Variants in ANKRD12 observed in about 807,000 individuals in gnomAD.
ANKRD12 encodes ankyrin repeat domain 12.
Under a neutral mutation model 183.4 loss-of-function variants are expected in ANKRD12, and 85 were observed. The observed-to-expected ratio is 0.46, with a 90% CI of 0.39 to 0.56. ANKRD12 has a LOEUF of 0.56. ANKRD12 is among the 20% of genes least tolerant of loss of function. The pLI is 0.00. For missense variants in ANKRD12, 2,405 were observed against 2,357.1 expected (o/e 1.02, Z -0.42); for synonymous variants, 914 against 800.2 (o/e 1.14, Z -2.40).
At chr18:9,204,577 A>G in intron 4 of ANKRD12, 33 bp downstream of exon 4, 1 of 1,459,210 alleles carries the variant, frequency 6.9e-7, no homozygotes, top group Non-Finnish European at 9.4e-7. Context: ...CTGTTTAGCC[A>G]GTGGTTTCTG....
At chr18:9,273,694 A>G (rs1312849095) in intron 10 of ANKRD12, among the ~76,000 whole-genome samples, 1 of 152,156 alleles carries the variant, frequency 6.6e-6, no homozygotes, top group Non-Finnish European at 1.5e-5. Context: ...TTATAGCAGC[A>G]TTTTTCATAT....
At chr18:9,148,999 A>G (rs184753255) in intron 1 of ANKRD12, among the ~76,000 whole-genome samples, 3 of 152,118 alleles carry the variant, frequency 2.0e-5, no homozygotes, top group East Asian at 3.9e-4. Flanking sequence ...ACCTGTGCAT[A>G]TGCTTATCCT....
rs139329796 is a variant in ANKRD12 at position 9,158,262 on chromosome 18, C to A, written c.-52+21297C>A. On this transcript the variant is annotated intron_variant, in intron 1 of 12. Transcript: ENST00000262126. ...TGATACATATGTCCCAAATAAAAAACCAATATTAATAAATGATTGTTAACT... is the reference window on the plus strand; with the variant it reads ...TGATACATATGTCCCAAATAAAAAAACAATATTAATAAATGATTGTTAACT... 1.4e-3 allele frequency among the ~76,000 whole-genome samples: 208 copies of A among 152,238 alleles called. 1 individual carries two copies. Among genetic ancestry groups the A allele is most frequent in the African/African-American group, 4.8e-3 (198 of 41,552 alleles).
chr18:9,180,455 G>T (rs933857617), intron 1 of ANKRD12, among the ~76,000 whole-genome samples: 1 of 151,632 alleles, frequency 6.6e-6, no homozygotes, highest in Non-Finnish European at 1.5e-5. Context: ...ATTAATATTT[G>T]GGCTTAGGTC....
chr18:9,244,512 T>C lies in ANKRD12; in HGVS notation c.944-9699T>C, dbSNP rs577845895. ...AACTCAAGATTTTGATTAAAAAAAATCCAGAATGACAGCAACAAGCAATTG... is the reference window on the plus strand; with the variant it reads ...AACTCAAGATTTTGATTAAAAAAAACCCAGAATGACAGCAACAAGCAATTG... On this transcript the variant is annotated intron_variant, in intron 8 of 12. Transcript: ENST00000262126. Among the ~76,000 whole-genome samples, 119 of 152,172 alleles carry C rather than the reference T, an allele frequency of 7.8e-4. 2 individuals carry two copies. The highest frequency in any genetic ancestry group is 2.6e-3 in the African/African-American group (110 of 41,520).
Position 9,255,614 on chromosome 18 carries a change from T to C in ANKRD12, c.2347T>C (p.Ser783Pro). 6.4e-7 allele frequency: 1 copy of C among 1,569,780 alleles called. No homozygotes were observed. Among genetic ancestry groups the C allele is most frequent in the Non-Finnish European group, 8.6e-7 (1 of 1,168,036 alleles). ...AGAAAACATACCCACAGATAAAGAC[T>C]CAGAATTTACTTCTTTGGGTATGAG... ...ERENIPTDKD[S>P]EFTSLGMSAI... The change falls in exon 9 of 13, where the codon TCA becomes CCA. Residue 783 changes from serine to proline, a missense_variant. By Grantham distance (74) the Ser-to-Pro change is moderately conservative. Coordinates refer to ENST00000262126, the MANE Select transcript of ANKRD12 (RefSeq NM_015208.5).
At chr18:9,137,380 T>TGCC (rs1283964634) in intron 1 of ANKRD12, among the ~76,000 whole-genome samples, 3 of 146,288 alleles carry the variant, frequency 2.1e-5, no homozygotes, top group Admixed American at 1.4e-4. Flanking sequence ...GGGGCTGGGC[T>TGCC]GCCGCCGCCT....
intron 8 of ANKRD12, among the ~76,000 whole-genome samples, chr18:9,251,012 A>G (rs942081346): frequency 3.3e-5 from 5 of 152,186 alleles, no homozygotes; most frequent in East Asian, 1.9e-4. Flanking sequence ...TAGTTATGGT[A>G]TATTTAGTTT....
intron 8 of ANKRD12, among the ~76,000 whole-genome samples, chr18:9,243,981 T>G (rs2037805349): frequency 1.3e-5 from 2 of 151,930 alleles, no homozygotes; most frequent in African/African-American, 2.4e-5. Context: ...TCTCTACTAA[T>G]AAATACAAAG....
rs2038665598 is a variant in ANKRD12 at position 9,256,903 on chromosome 18, A to G, written c.3636A>G (p.Ser1212=). 1 of 1,613,882 alleles carries G rather than the reference A, an allele frequency of 6.2e-7. No homozygotes were observed. The highest frequency in any genetic ancestry group is 1.3e-5 in the African/African-American group (1 of 74,926). Reference sequence around the variant, plus strand: ...TATCCATGATTTCTGTTGCTAGTTCAGAAGATTCCTGCCATACTACAGTGA... The same window carrying G: ...TATCCATGATTTCTGTTGCTAGTTCGGAAGATTCCTGCCATACTACAGTGA... ...RSVSMISVAS[S]EDSCHTTVTT... is the part of the protein sequence containing the mutation. Residue 1212 remains serine (S), a synonymous_variant, in exon 9 of 13, where the codon TCA becomes TCG. Coordinates refer to ENST00000262126, the MANE Select transcript of ANKRD12 (RefSeq NM_015208.5).
chr18:9,163,623 C>T (rs1476510109), intron 1 of ANKRD12, among the ~76,000 whole-genome samples: 4 of 152,072 alleles, frequency 2.6e-5, no homozygotes, highest in African/African-American at 9.7e-5. Flanking sequence ...TTACTTTGGG[C>T]AGTATAGCCA....
Position 9,258,527 on chromosome 18 carries a change from T to C in ANKRD12, c.5260T>C (p.Cys1754Arg), listed in dbSNP as rs770497705. 1.2e-6 allele frequency: 2 copies of C among 1,613,776 alleles called. No homozygotes were observed. Among genetic ancestry groups the C allele is most frequent in the Non-Finnish European group, 8.5e-7 (1 of 1,179,938 alleles). The stretch of plus-strand genomic sequence containing the variant: ...TCAAAGCAAACAGATTCTTGCTAGC[T>C]GTACACTATTATCAGAAAAAGACAG... The part of the protein sequence containing the change: ...ANQSKQILAS[C>R]TLLSEKDSES... The change falls in exon 9 of 13, where the codon TGT becomes CGT. Residue 1754 changes from cysteine to arginine, a missense_variant. Physicochemically the swap from Cys to Arg is radical, Grantham distance 180. Around this residue, in one of 7 missense-constraint regions of ANKRD12, gnomAD observed 1,983 missense variants for 1,725.9 expected, o/e 1.15. Transcript: ENST00000262126.
chr18:9,144,655 T>A (rs752750769), intron 1 of ANKRD12, among the ~76,000 whole-genome samples: 1 of 152,232 alleles, frequency 6.6e-6, no homozygotes, highest in Non-Finnish European at 1.5e-5. Context: ...CACATATACT[T>A]GCAAAAATCT....
At chr18:9,178,329 C>CTG (rs774946490) in intron 1 of ANKRD12, among the ~76,000 whole-genome samples, 5,300 of 80,446 alleles carry the variant, frequency 0.066, 110 homozygotes, top group Non-Finnish European at 0.081. Flanking sequence ...GATTCTCTCT[C>CTG]TCTCTCTCTC....
chr18:9,277,066 A>C (rs1408501144), intron 11 of ANKRD12, among the ~76,000 whole-genome samples: 1 of 152,236 alleles, frequency 6.6e-6, no homozygotes, highest in Non-Finnish European at 1.5e-5. Flanking sequence ...TACAATGAAA[A>C]GTCTCTTGAT....
chr18:9,151,235 T>C lies in ANKRD12; in HGVS notation c.-52+14270T>C, dbSNP rs187957902. 1.2e-4 allele frequency among the ~76,000 whole-genome samples: 18 copies of C among 152,330 alleles called. No homozygotes were observed. The East Asian group carries it at 3.3e-3, about 28-fold the overall frequency. Reference sequence around the variant, plus strand: ...TCCAGTATTTTTTTCAAAACCACTTTAAAAATGTGAGGGAATTAAGCTGCT... The same window carrying C: ...TCCAGTATTTTTTTCAAAACCACTTCAAAAATGTGAGGGAATTAAGCTGCT... On this transcript the variant is annotated intron_variant, in intron 1 of 12. Coordinates refer to ENST00000262126, the MANE Select transcript of ANKRD12 (RefSeq NM_015208.5).
intron 1 of ANKRD12, among the ~76,000 whole-genome samples, chr18:9,143,857 A>G (rs1444656518): frequency 2.0e-5 from 3 of 152,174 alleles, no homozygotes; most frequent in Non-Finnish European, 4.4e-5. Context: ...TATTGAAAGT[A>G]AGCAAGAATG....
intron 1 of ANKRD12, among the ~76,000 whole-genome samples, chr18:9,139,798 G>A (rs947811192): frequency 1.3e-4 from 20 of 152,178 alleles, no homozygotes; most frequent in African/African-American, 4.3e-4. Context: ...CCTTGGGACA[G>A]GAAGGGACCT....
At chr18:9,180,238 T>C (rs2033605922) in intron 1 of ANKRD12, among the ~76,000 whole-genome samples, 1 of 152,156 alleles carries the variant, frequency 6.6e-6, no homozygotes, top group Admixed American at 6.5e-5. Context: ...CTGAAGTCTG[T>C]TTTGTCGATG....
Sources: gnomAD v4.1 joint callset for allele counts (sites outside exome capture counted in the v4.1 genomes callset) on GRCh38, gnomAD v4.1.1 for gene constraint, gnomAD v4.1.1 regional missense constraint, MANE v1.5 for transcripts, NCBI Gene and HGNC (gene_info 2026-07-23, HGNC 2026-07-21) for gene names.